The following C21orf58 variants were observed in gnomAD, a reference collection of about 807,000 sequenced individuals.
C21orf58 encodes the protein chromosome 21 open reading frame 58.
Under a neutral mutation model 35.8 loss-of-function variants are expected in C21orf58, and 34 were observed. That is an observed-to-expected ratio of 0.95 (90% CI 0.72 to 1.26). C21orf58 has a LOEUF of 1.26. C21orf58 is among the 50% of genes most tolerant of loss of function. C21orf58 has a pLI of 0.00. For synonymous variants in C21orf58, 191 were observed against 175.8 expected (o/e 1.09, Z -0.68); for missense variants, 440 against 414.3 (o/e 1.06, Z -0.54).
intron 1 of C21orf58, chr21:46,318,840 G>T: frequency 1.0e-6 from 1 of 987,686 alleles, no homozygotes; most frequent in Non-Finnish European, 1.2e-6. Flanking sequence ...TTCGCAGAGG[G>T]TGACGCAAAA....
At chr21:46,315,003 C>T (rs777348023) in intron 4 of C21orf58, 123 bp from the exon 5 acceptor site, 2 of 1,549,372 alleles carry the variant, frequency 1.3e-6, no homozygotes, top group Non-Finnish European at 1.7e-6. Context: ...GGCAGGATGG[C>T]CATGACTGGA....
chr21:46,310,491 T>TAA (rs200384811), intron 6 of C21orf58, among the ~76,000 whole-genome samples: 40 of 121,564 alleles, frequency 3.3e-4, no homozygotes, highest in African/African-American at 7.6e-4. Context: ...ACAAAAAAAA[T>TAA]AAAAATAAAA....
intron 1 of C21orf58, among the ~76,000 whole-genome samples, chr21:46,321,271 C>T (rs1428088054): frequency 1.3e-5 from 2 of 152,068 alleles, no homozygotes; most frequent in East Asian, 1.9e-4. Context: ...CAGTTTCAAG[C>T]GATTCTTCTG....
intron 6 of C21orf58, among the ~76,000 whole-genome samples, chr21:46,307,292 A>G (rs1340626623): frequency 6.6e-6 from 1 of 152,166 alleles, no homozygotes; most frequent in Non-Finnish European, 1.5e-5. Flanking sequence ...GATGACAGGC[A>G]TGAGCCACTG....
chr21:46,312,856 C>A, intron 5 of C21orf58: 2 of 346,790 alleles, frequency 5.8e-6, no homozygotes, highest in Non-Finnish European at 8.1e-6. Context: ...GCCCCCATAA[C>A]AACTTGGTTA....
chr21:46,315,486 CAGA>C lies in C21orf58; in HGVS notation c.429_431del (p.Leu144del). ...GTGCAGGGCCTACCCGGAGTCTCTG[CAGA>C]AGGTCCCTCCTTCTCTTCAGAGCAG... On this transcript the variant is annotated inframe_deletion, in exon 4 of 8. Transcript: ENST00000291691. 6.2e-7 allele frequency: 1 copy of C among 1,604,922 alleles called. No individual in the cohort carries two copies. Among genetic ancestry groups the C allele is most frequent in the Non-Finnish European group, 8.5e-7 (1 of 1,172,030 alleles).
At chr21:46,314,645 G>A in intron 5 of C21orf58, 71 bp downstream of exon 5, 2 of 1,221,994 alleles carry the variant, frequency 1.6e-6, no homozygotes, top group Non-Finnish European at 2.2e-6. Context: ...AGCGCCTCCT[G>A]CCTTCTGTAA....
intron 7 of C21orf58, 137 bp from the exon 8 acceptor site, chr21:46,302,291 C>A: frequency 7.3e-7 from 1 of 1,364,864 alleles, no homozygotes. Flanking sequence ...AGAGGAGGCT[C>A]CTCCCCCGCC....
In C21orf58 at chr21:46,301,540, C is replaced by A; in HGVS notation, c.*459G>T. On this transcript the variant is annotated 3_prime_UTR_variant, in exon 8 of 8. Transcript: ENST00000291691. Reference sequence around the variant, plus strand: ...TATTTTCCCCATCAGGATGTTCACACTTCCATGTGGCTAAAGCTATTGATC... The same window carrying A: ...TATTTTCCCCATCAGGATGTTCACAATTCCATGTGGCTAAAGCTATTGATC... 1 of 987,704 alleles carries A rather than the reference C, an allele frequency of 1.0e-6. No homozygotes were observed. The highest frequency in any genetic ancestry group is 1.2e-6 in the Non-Finnish European group (1 of 831,518). The allele number at this position is 987,704 out of a possible 1,614,324, so 61.2% of individuals were successfully genotyped here. A position where few individuals can be genotyped will look rare whatever the true frequency, so the allele number is the denominator to read the frequency against.
intron 6 of C21orf58, among the ~76,000 whole-genome samples, 184 bp from the exon 7 acceptor site, chr21:46,302,760 C>T (rs1272804567): frequency 8.1e-5 from 10 of 123,688 alleles, no homozygotes; most frequent in African/African-American, 2.1e-4. Context: ...CGTCTGCACA[C>T]GGTGCGGGTC....
intron 6 of C21orf58, among the ~76,000 whole-genome samples, chr21:46,310,374 G>A (rs976958641): frequency 3.3e-5 from 5 of 152,076 alleles, no homozygotes; most frequent in Middle Eastern, 6.8e-3. Flanking sequence ...AGCTACTCGA[G>A]AGGCTGAGGC....
At chr21:46,304,593 T>A (rs1025458662) in intron 6 of C21orf58, among the ~76,000 whole-genome samples, 8 of 152,280 alleles carry the variant, frequency 5.3e-5, no homozygotes, top group South Asian at 2.1e-4. Context: ...CCCACCACGC[T>A]GGCAAAAATG....
chr21:46,317,607 C>A (rs577982914), intron 2 of C21orf58, among the ~76,000 whole-genome samples: 133 of 152,376 alleles, frequency 8.7e-4, no homozygotes, highest in South Asian at 2.9e-3. Context: ...TCACCCCCCA[C>A]CTGAACCCTG....
At chr21:46,303,689 C>G (rs1363955984) in intron 6 of C21orf58, among the ~76,000 whole-genome samples, 1 of 114,270 alleles carries the variant, frequency 8.8e-6, no homozygotes, top group African/African-American at 3.2e-5. Context: ...CACACACACA[C>G]ACACACACAC....
intron 6 of C21orf58, among the ~76,000 whole-genome samples, chr21:46,309,734 C>T (rs1184630751): frequency 2.0e-5 from 3 of 152,162 alleles, no homozygotes; most frequent in Non-Finnish European, 2.9e-5. Context: ...TGGTGGCCCA[C>T]GCCTATAATC....
intron 5 of C21orf58, among the ~76,000 whole-genome samples, chr21:46,312,326 G>GT (rs1007837449): frequency 1.3e-3 from 198 of 150,752 alleles, no homozygotes; most frequent in Non-Finnish European, 8.9e-4. Flanking sequence ...TGGTGTTTTT[G>GT]TTTTTTTTTG....
intron 1 of C21orf58, among the ~76,000 whole-genome samples, chr21:46,321,884 A>G (rs2083169980): frequency 6.7e-6 from 1 of 148,574 alleles, no homozygotes; most frequent in African/African-American, 2.5e-5. Flanking sequence ...GAGTATCTAC[A>G]AAATTTATCT....
chr21:46,318,044 C>T lies in C21orf58; in HGVS notation c.277G>A (p.Val93Met), dbSNP rs900911188. ...TMLDSSAAEQ[V>M]TRLTLKLLGQ... is the part of the protein sequence containing the mutation. ...AAGAGCTTCAGCGTCAGTCGGGTCA[C>T]TTGCTCTGCTGCTGATGAGTCCAGC... The change falls in exon 2 of 8, where the codon GTG (valine) becomes ATG (methionine). Residue 93 changes from valine (V) to methionine (M), a missense_variant. Coordinates refer to ENST00000291691, the MANE Select transcript of C21orf58 (RefSeq NM_058180.5). 3 of 1,613,370 alleles carry T rather than the reference C, an allele frequency of 1.9e-6. No homozygotes were observed. The highest frequency in any genetic ancestry group is 2.5e-6 in the Non-Finnish European group (3 of 1,180,010).
chr21:46,302,352 G>C, intron 7 of C21orf58, 133 bp downstream of exon 7: 1 of 1,095,104 alleles, frequency 9.1e-7, no homozygotes, highest in South Asian at 1.6e-5. Context: ...ATGGGGATGG[G>C]GGCTTCACAG....
Sources: allele counts gnomAD v4.1 joint callset (sites outside exome capture counted in the v4.1 genomes callset), GRCh38; gene constraint gnomAD v4.1.1; transcripts MANE v1.5; gene names NCBI Gene and HGNC (gene_info 2026-07-23, HGNC 2026-07-21).